The following KLHL20 variants were observed in gnomAD, a reference collection of about 807,000 sequenced individuals.
KLHL20 encodes the protein kelch-like protein 20.
KLHL20 carries 29 observed loss-of-function variants against 69.5 expected under a neutral mutation model. The observed-to-expected ratio is 0.42, with a 90% CI of 0.31 to 0.57. KLHL20 has a LOEUF of 0.57. KLHL20 is among the 20% of genes least tolerant of loss of function. The pLI is 0.18. For missense variants in KLHL20, 419 were observed against 776.0 expected (o/e 0.54, Z 5.47); for synonymous variants, 253 against 265.2 (o/e 0.95, Z 0.45).
chr1:173,751,732 AT>A (rs554639474), intron 3 of KLHL20, 31 bp from the exon 4 acceptor site: 60 of 1,594,250 alleles, frequency 3.8e-5, no homozygotes, highest in Non-Finnish European at 4.2e-5. Context: ...TGATCACAGG[AT>A]TTTTTTTTCT....
rs756014466 is a variant in KLHL20 at position 173,785,169 on chromosome 1, T to C, written c.1752T>C (p.Tyr584=). ...FDPDANTWRL[Y]GGMNYRRLGG... is the part of the protein sequence containing the mutation. ...TATGTTTCTTTCTTTGCAGGTTATA[T>C]GGCGGGATGAATTACCGTCGGCTAG... The change falls in exon 12 of 12, where the codon TAT becomes TAC. Residue 584 remains tyrosine (Y), a synonymous_variant. Transcript: ENST00000209884. 3.7e-6 allele frequency: 6 copies of C among 1,611,372 alleles called. No homozygotes were observed. In the East Asian group the frequency reaches 1.1e-4, roughly 30 times the overall value.
At position 173,722,302 on chromosome 1, in the gene KLHL20, T is replaced by G. The variant is rs541510145; in HGVS notation, c.23+6236T>G. On this transcript the variant is annotated intron_variant, in intron 2 of 11. Transcript: ENST00000209884. Reference sequence around the variant, plus strand: ...GAAAAAAGGCAAAAGATGAATGATATTTCCTGAAGTGAAAATTATATGGAT... The same window carrying G: ...GAAAAAAGGCAAAAGATGAATGATAGTTCCTGAAGTGAAAATTATATGGAT... 9.7e-4 allele frequency among the ~76,000 whole-genome samples: 147 copies of G among 152,200 alleles called. 1 individual carries two copies. Among genetic ancestry groups the G allele is most frequent in the African/African-American group, 3.3e-3 (137 of 41,548 alleles).
intron 3 of KLHL20, among the ~76,000 whole-genome samples, chr1:173,743,538 T>TTTA (rs1445515819): frequency 6.7e-6 from 1 of 148,804 alleles, no homozygotes; most frequent in African/African-American, 2.5e-5. Context: ...GTGGTGATTT[T>TTTA]AAAAAAAAAA....
chr1:173,756,001 A>T lies in KLHL20; in HGVS notation c.930A>T (p.Pro310=). ...RPLMQGPRTR[P]RKPIRCGEVL... ...TAATGCAAGGACCAAGGACGAGACC[A>T]CGGAAACCTATCCGATGTGGGGAAG... The change falls in exon 6 of 12, where the codon CCA becomes CCT. Residue 310 remains proline (P), a synonymous_variant. Coordinates refer to ENST00000209884, the MANE Select transcript of KLHL20 (RefSeq NM_014458.4). 1 of 1,614,040 alleles carries T rather than the reference A, an allele frequency of 6.2e-7. No homozygotes were observed. The highest frequency in any genetic ancestry group is 8.5e-7 in the Non-Finnish European group (1 of 1,179,950).
intron 3 of KLHL20, among the ~76,000 whole-genome samples, chr1:173,742,922 ATAAAAGT>A (rs1251333892): frequency 6.6e-6 from 1 of 152,004 alleles, no homozygotes; most frequent in East Asian, 1.9e-4. Flanking sequence ...GTTTGATTGC[ATAAAAGT>A]TAAAATTTTT....
chr1:173,767,070 C>G (rs1483968791), intron 8 of KLHL20, among the ~76,000 whole-genome samples: 1 of 152,132 alleles, frequency 6.6e-6, no homozygotes, highest in East Asian at 1.9e-4. Context: ...CTCACCTTGC[C>G]AGCCCCTGGT....
At chr1:173,744,695 T>C (rs1435472668) in intron 3 of KLHL20, among the ~76,000 whole-genome samples, 2 of 152,184 alleles carry the variant, frequency 1.3e-5, no homozygotes, top group African/African-American at 2.4e-5. Context: ...AAATACCGTT[T>C]ATTTAAAAGC....
At chr1:173,748,924 G>A (rs1322314016) in intron 3 of KLHL20, among the ~76,000 whole-genome samples, 2 of 151,928 alleles carry the variant, frequency 1.3e-5, no homozygotes, top group Admixed American at 6.6e-5. Context: ...TTGCGTTTCA[G>A]ATCTAAGATA....
At chr1:173,777,553 TA>T (rs1648552031) in intron 10 of KLHL20, among the ~76,000 whole-genome samples, 2 of 152,232 alleles carry the variant, frequency 1.3e-5, no homozygotes, top group Non-Finnish European at 2.9e-5. Context: ...GGGTCTGTCA[TA>T]TATGGCTTTT....
At chr1:173,721,763 C>T (rs569894453) in intron 2 of KLHL20, among the ~76,000 whole-genome samples, 10 of 152,152 alleles carry the variant, frequency 6.6e-5, no homozygotes, top group Non-Finnish European at 1.3e-4. Context: ...AATATAGTGC[C>T]TATTGGGACC....
At chr1:173,733,405 G>A (rs564051254) in intron 2 of KLHL20, among the ~76,000 whole-genome samples, 44 of 152,146 alleles carry the variant, frequency 2.9e-4, no homozygotes, top group Non-Finnish European at 5.1e-4. Flanking sequence ...AAATGGATAA[G>A]CATAACCACC....
intron 7 of KLHL20, among the ~76,000 whole-genome samples, chr1:173,761,427 G>C (rs995745236): frequency 6.6e-6 from 1 of 151,998 alleles, no homozygotes; most frequent in African/African-American, 2.4e-5. Flanking sequence ...AAACCCACAG[G>C]ATACACATTC....
intron 10 of KLHL20, among the ~76,000 whole-genome samples, chr1:173,781,357 C>T (rs1028301037): frequency 1.3e-5 from 2 of 151,650 alleles, no homozygotes; most frequent in African/African-American, 2.4e-5. Flanking sequence ...CTCTGCTGCC[C>T]AGGCTGGAGT....
rs1649188477 is a variant in KLHL20, at chr1:173,786,086, T to C, written c.*839T>C. The C allele has an allele frequency of 6.6e-6, 1 of 152,344 alleles. No individual in the cohort carries two copies. Among genetic ancestry groups the C allele is most frequent in the Admixed American group, 6.5e-5 (1 of 15,286 alleles). 9.4% of individuals were successfully genotyped at this position (152,344 alleles called of 1,614,324 possible). A position where few individuals can be genotyped will look rare whatever the true frequency, so the allele number is the denominator to read the frequency against. On this transcript the variant is annotated 3_prime_UTR_variant, in exon 12 of 12. Coordinates refer to ENST00000209884, the MANE Select transcript of KLHL20 (RefSeq NM_014458.4). ...GACTAAAGCAACTGTCCTTCCTGTT[T>C]CCTTATTGCTACCAAGGACCAGCAG...
intron 7 of KLHL20, among the ~76,000 whole-genome samples, chr1:173,765,471 C>A (rs967105798): frequency 2.6e-5 from 4 of 151,908 alleles, no homozygotes; most frequent in Admixed American, 6.6e-5. Flanking sequence ...CCACTGTACT[C>A]CAGCCTGCGC....
intron 2 of KLHL20, among the ~76,000 whole-genome samples, chr1:173,717,299 AT>A (rs1305878110): frequency 6.6e-6 from 1 of 152,216 alleles, no homozygotes; most frequent in Non-Finnish European, 1.5e-5. Context: ...TCTATATAAA[AT>A]ATTTGCTTAA....
chr1:173,769,961 T>TA (rs888222983), intron 8 of KLHL20, among the ~76,000 whole-genome samples: 8 of 151,274 alleles, frequency 5.3e-5, no homozygotes, highest in Non-Finnish European at 1.2e-4. Flanking sequence ...TAATACTACA[T>TA]AAAAAAAAGA....
chr1:173,766,607 A>T (rs1038378570), intron 8 of KLHL20, among the ~76,000 whole-genome samples: 14 of 150,156 alleles, frequency 9.3e-5, no homozygotes, highest in African/African-American at 3.2e-4. Context: ...ACGCCACTGT[A>T]CTCCAGCCTG....
Position 173,734,103 on chromosome 1 carries a change from T to G in KLHL20, c.414T>G (p.Val138=), listed in dbSNP as rs915651507. The change falls in exon 3 of 12, where the codon GTT becomes GTG. Residue 138 remains valine, a synonymous_variant. Coordinates refer to ENST00000209884, the MANE Select transcript of KLHL20 (RefSeq NM_014458.4). ...AGATAACAGTAGAAGAGGGCAATGT[T>G]CAGACTCTTCTGCCAGCTGCTTGCC... ...TSQITVEEGN[V]QTLLPAACLL... is the part of the protein sequence containing the mutation. The G allele has an allele frequency of 1.2e-6, 2 of 1,614,112 alleles. No homozygotes were observed. The highest frequency in any genetic ancestry group is 2.7e-5 in the African/African-American group (2 of 74,944).
Sources: gnomAD v4.1 joint callset for allele counts (sites outside exome capture counted in the v4.1 genomes callset) on GRCh38, gnomAD v4.1.1 for gene constraint, MANE v1.5 for transcripts, NCBI Gene and HGNC (gene_info 2026-07-23, HGNC 2026-07-21) for gene names.